Variants in MYO3B observed in about 807,000 individuals in gnomAD.
MYO3B encodes myosin IIIB.
Under a neutral mutation model 174.6 loss-of-function variants are expected in MYO3B, and 156 were observed. That is an observed-to-expected ratio of 0.89 (90% CI 0.78 to 1.02). MYO3B has a LOEUF of 1.02. MYO3B is among the 50% of genes least tolerant of loss of function. The pLI, the probability that MYO3B is intolerant of heterozygous loss-of-function variation, is 0.00. For missense variants in MYO3B, 1,632 were observed against 1,639.4 expected (o/e 1.00, Z 0.08); for synonymous variants, 563 against 569.1 (o/e 0.99, Z 0.15).
intron 32 of MYO3B, among the ~76,000 whole-genome samples, chr2:170,573,929 G>T (rs1692624521): frequency 6.6e-6 from 1 of 152,026 alleles, no homozygotes; most frequent in Non-Finnish European, 1.5e-5. Context: ...TGACTGCCTT[G>T]TTATTATTTC....
intron 22 of MYO3B, among the ~76,000 whole-genome samples, chr2:170,410,584 AAAAAAAAG>A (rs1331586040): frequency 0.012 from 770 of 62,386 alleles, 7 homozygotes; most frequent in African/African-American, 0.037. Flanking sequence ...CGTCTCAACA[AAAAAAAAG>A]AAAAAAAAAA....
chr2:170,448,380 G>A (rs1683380727), intron 23 of MYO3B, among the ~76,000 whole-genome samples: 1 of 152,138 alleles, frequency 6.6e-6, no homozygotes, highest in Non-Finnish European at 1.5e-5. Flanking sequence ...TTTGGGTTTT[G>A]TAACACCTTA....
Position 170,200,176 on chromosome 2 carries a change from A to G in MYO3B, c.213A>G (p.Glu71=). The G allele has an allele frequency of 1.9e-6, 3 of 1,613,338 alleles. No homozygotes were observed. The highest frequency in any genetic ancestry group is 2.5e-6 in the Non-Finnish European group (3 of 1,179,586). The change falls in exon 3 of 35, where the codon GAA becomes GAG. Residue 71 remains glutamate (E), a synonymous_variant. Coordinates refer to ENST00000408978, the MANE Select transcript of MYO3B (RefSeq NM_138995.5). ...ATATGGATGAAGAAATTGAGGCAGAATACAACATTTTGCAGTTCCTTCCTA... is the reference window on the plus strand; with the variant it reads ...ATATGGATGAAGAAATTGAGGCAGAGTACAACATTTTGCAGTTCCTTCCTA... ...VSDMDEEIEA[E]YNILQFLPNH... is the part of the protein sequence containing the mutation.
In MYO3B at chr2:170,400,891, C is replaced by T. The variant is rs140158644; in HGVS notation, c.1918+577C>T. On this transcript the variant is annotated intron_variant, in intron 17 of 34. Transcript: ENST00000408978. ...TGTCTCCCAGACTGGAGTGCAGTGGCGCTATCTCGGCTCACTGCGGGCAGT... is the reference window on the plus strand; with the variant it reads ...TGTCTCCCAGACTGGAGTGCAGTGGTGCTATCTCGGCTCACTGCGGGCAGT... 7.9e-5 allele frequency among the ~76,000 whole-genome samples: 12 copies of T among 151,142 alleles called. No individual in the cohort carries two copies. The East Asian group carries it at 1.0e-3, about 13-fold the overall frequency.
intron 7 of MYO3B, among the ~76,000 whole-genome samples, chr2:170,255,078 A>G (rs1185254887): frequency 6.6e-6 from 1 of 152,164 alleles, no homozygotes; most frequent in Non-Finnish European, 1.5e-5. Context: ...CTGCCTGGGG[A>G]TCCTACGCCC....
rs536506420 is a variant in MYO3B at position 170,305,218 on chromosome 2, A to T, written c.750-30167A>T. On this transcript the variant is annotated intron_variant, in intron 7 of 34. Coordinates refer to ENST00000408978, the MANE Select transcript of MYO3B (RefSeq NM_138995.5). Reference sequence around the variant, plus strand: ...CCTCTATTCTCTGTCACGGTGTAGGATAGTTCATCCTTTCCTAGTGATTTG... The same window carrying T: ...CCTCTATTCTCTGTCACGGTGTAGGTTAGTTCATCCTTTCCTAGTGATTTG... Among the ~76,000 whole-genome samples, 145 of 152,274 alleles carry T rather than the reference A, an allele frequency of 9.5e-4. No individual in the cohort carries two copies. In the South Asian group the frequency reaches 0.022, roughly 23 times the overall value.
At chr2:170,598,990 C>T (rs2106338621) in intron 32 of MYO3B, among the ~76,000 whole-genome samples, 1 of 152,288 alleles carries the variant, frequency 6.6e-6, no homozygotes, top group African/African-American at 2.4e-5. Flanking sequence ...TGTTTAAATT[C>T]AATGCACATT....
At chr2:170,397,386 A>G (rs2094447559) in intron 16 of MYO3B, among the ~76,000 whole-genome samples, 1 of 152,234 alleles carries the variant, frequency 6.6e-6, no homozygotes, top group Non-Finnish European at 1.5e-5. Flanking sequence ...GCTGCTGTGT[A>G]GAGTACCAAA....
intron 31 of MYO3B, 40 bp downstream of exon 31, chr2:170,543,006 T>C (rs1297131869): frequency 6.6e-7 from 1 of 1,513,444 alleles, no homozygotes; most frequent in African/African-American, 1.4e-5. Flanking sequence ...TGTGTATCAC[T>C]CCTTCAGACT....
intron 20 of MYO3B, among the ~76,000 whole-genome samples, chr2:170,405,341 C>T (rs1294436015): frequency 6.6e-6 from 1 of 152,182 alleles, no homozygotes; most frequent in Non-Finnish European, 1.5e-5. Context: ...AGAGCACAGC[C>T]TGACATTAAG....
chr2:170,226,491 C>A (rs796191547), intron 6 of MYO3B, among the ~76,000 whole-genome samples: 1 of 152,162 alleles, frequency 6.6e-6, no homozygotes, highest in Non-Finnish European at 1.5e-5. Flanking sequence ...AGCAGGCAAA[C>A]GGCCCAAGGT....
rs1232963010 is a variant in MYO3B at position 170,649,299 on chromosome 2, A to AATAAT, written c.3734-2325_3734-2321dup. On this transcript the variant is annotated intron_variant, in intron 32 of 34. Coordinates refer to ENST00000408978, the MANE Select transcript of MYO3B (RefSeq NM_138995.5). ...ATAAAATAATATATATTATATATAA[A>AATAAT]ATAATATATATTATATATAAAATAA... Among the ~76,000 whole-genome samples the AATAAT allele has an allele frequency of 6.9e-3, 324 of 46,684 alleles. 35 individuals are homozygous for AATAAT. The highest frequency in any genetic ancestry group is 0.026 in the Admixed American group (66 of 2,574). 30.6% of individuals were successfully genotyped at this position (46,684 alleles called of 152,430 possible).
In MYO3B at chr2:170,369,417, A is replaced by G. The variant is rs758547617; in HGVS notation, c.971+40A>G. ...TTCTTCTTTCTCCCTGTGGTTGTTT[A>G]TAAAAATGTCATGTCATGTGTTTTG... On this transcript the variant is annotated intron_variant, in intron 9 of 34. Transcript: ENST00000408978. 1.8e-5 allele frequency: 29 copies of G among 1,582,208 alleles called. No homozygotes were observed. The East Asian group carries it at 5.6e-4, about 31-fold the overall frequency.
At chr2:170,613,152 A>G (rs1559159384) in intron 32 of MYO3B, among the ~76,000 whole-genome samples, 1 of 152,186 alleles carries the variant, frequency 6.6e-6, no homozygotes, top group African/African-American at 2.4e-5. Context: ...CTGTGTACCA[A>G]CACTAGATCA....
At chr2:170,522,818 G>T (rs540544287) in intron 30 of MYO3B, among the ~76,000 whole-genome samples, 1 of 152,136 alleles carries the variant, frequency 6.6e-6, no homozygotes, top group Non-Finnish European at 1.5e-5. Context: ...CCTCCATGAA[G>T]ACCTAATTCT....
chr2:170,503,807 G>A (rs1687439971), intron 28 of MYO3B, among the ~76,000 whole-genome samples: 1 of 152,180 alleles, frequency 6.6e-6, no homozygotes, highest in Non-Finnish European at 1.5e-5. Context: ...TGCCCTCTTA[G>A]AAGTAGTGTG....
At chr2:170,261,213 G>A (rs993208184) in intron 7 of MYO3B, among the ~76,000 whole-genome samples, 6 of 151,940 alleles carry the variant, frequency 3.9e-5, no homozygotes, top group Non-Finnish European at 7.4e-5. Flanking sequence ...TAGTAGAGAC[G>A]GGGTTTCTCC....
At chr2:170,481,169 C>A (rs1685664505) in intron 25 of MYO3B, among the ~76,000 whole-genome samples, 1 of 152,202 alleles carries the variant, frequency 6.6e-6, no homozygotes, top group African/African-American at 2.4e-5. Context: ...AAACACAAAT[C>A]CTCCAGGACA....
At chr2:170,361,114 A>G (rs2094157310) in intron 8 of MYO3B, among the ~76,000 whole-genome samples, 1 of 152,160 alleles carries the variant, frequency 6.6e-6, no homozygotes, top group Non-Finnish European at 1.5e-5. Context: ...GGGAGCTGAC[A>G]TTTATCAATT....
Sources: gnomAD v4.1 joint callset for allele counts (sites outside exome capture counted in the v4.1 genomes callset) on GRCh38, gnomAD v4.1.1 for gene constraint, MANE v1.5 for transcripts, NCBI Gene and HGNC (gene_info 2026-07-23, HGNC 2026-07-21) for gene names.